The following ERCC1 variants were observed in gnomAD, a reference collection of about 807,000 sequenced individuals.
ERCC1 encodes the protein DNA excision repair protein ERCC-1.
In ERCC1, 36 loss-of-function variants were observed where a neutral mutation model predicts 37.6. The ratio of observed to expected loss-of-function variants is 0.96; its 90% CI spans 0.73 to 1.26. The LOEUF (loss-of-function observed/expected upper bound fraction) is 1.26. Among genes scored for constraint, ERCC1 ranks in the 50% most tolerant of loss-of-function variants. The probability of loss-of-function intolerance (pLI) is 0.00; values close to 1 mark genes in which losing one functional copy is unlikely to be tolerated. For synonymous variants in ERCC1, 156 were observed against 162.1 expected (o/e 0.96, Z 0.28); for missense variants, 349 against 376.5 (o/e 0.93, Z 0.60).
intron 1 of ERCC1, among the ~76,000 whole-genome samples, chr19:45,441,996 TA>T (rs755246108): frequency 1.4e-5 from 2 of 147,430 alleles, no homozygotes; most frequent in Non-Finnish European, 2.9e-5. Context: ...TTTTTTATTT[TA>T]TTTTTTTTAA....
At position 45,420,317 on chromosome 19, in the gene ERCC1, A is replaced by T. The variant is rs1397893338; in HGVS notation, c.425+7T>A. On this transcript the variant is annotated splice_region_variant and intron_variant, in intron 4 of 9. Transcript: ENST00000300853. This position sits in a 1 kb window ranked among gnomAD's most constrained non-coding sequence, Gnocchi z 4.8. ...CCTGAAGTCTGGGGTGGCGCCGCAG[A>T]GCTCACCTGAGGAACAGGGCACAGG... The T allele has an allele frequency of 6.2e-7, 1 of 1,601,798 alleles. No homozygotes were observed. The highest frequency in any genetic ancestry group is 1.3e-5 in the African/African-American group (1 of 74,588).
chr19:45,418,991 C>T (rs1312130137), intron 5 of ERCC1, 107 bp downstream of exon 5: 12 of 800,340 alleles, frequency 1.5e-5, no homozygotes, highest in Non-Finnish European at 2.6e-5. Context: ...ATGTGAAAAA[C>T]GTTCCTCGCT....
chr19:45,423,419 C>A, intron 1 of ERCC1, 38 bp from the exon 2 acceptor site: 2 of 1,574,418 alleles, frequency 1.3e-6, no homozygotes, highest in Non-Finnish European at 1.7e-6. Flanking sequence ...GAGCCACTGG[C>A]GTCTACGTTC....
At chr19:45,425,395 T>A (rs914987089), upstream of ERCC1, among the ~76,000 whole-genome samples, 1 of 152,068 alleles carries the variant, frequency 6.6e-6, no homozygotes, top group East Asian at 1.9e-4. Context: ...TTTATTTATT[T>A]ATTATTTTTT....
intron 1 of ERCC1, among the ~76,000 whole-genome samples, chr19:45,448,928 C>T (rs1338880304): frequency 6.6e-6 from 1 of 152,142 alleles, no homozygotes; most frequent in Non-Finnish European, 1.5e-5. Flanking sequence ...CAGGTCTCCT[C>T]CCCAGGCTTG....
chr19:45,450,960 C>T (rs1967103036), intron 1 of ERCC1, among the ~76,000 whole-genome samples: 1 of 146,016 alleles, frequency 6.8e-6, no homozygotes. Context: ...CGCCTAGCAA[C>T]GCGAGGGCTG....
At chr19:45,433,961 C>G (rs936577189) in intron 1 of ERCC1, among the ~76,000 whole-genome samples, 1 of 151,252 alleles carries the variant, frequency 6.6e-6, no homozygotes, top group South Asian at 2.1e-4. Context: ...GGTGAAACCC[C>G]GTCTCTACTA....
chr19:45,430,928 T>C (rs918861079), intron 1 of ERCC1, among the ~76,000 whole-genome samples: 3 of 151,660 alleles, frequency 2.0e-5, no homozygotes, highest in South Asian at 2.1e-4. Flanking sequence ...ACCATAATAA[T>C]ATTGACATAA....
At chr19:45,419,451 G>A (rs927677159) in intron 4 of ERCC1, 1 of 484,936 alleles carries the variant, frequency 2.1e-6, no homozygotes, top group Non-Finnish European at 3.8e-6. Flanking sequence ...AAGAGGGGAA[G>A]AGACTTGGGC....
At chr19:45,448,365 G>C (rs908942929) in intron 1 of ERCC1, among the ~76,000 whole-genome samples, 1 of 152,170 alleles carries the variant, frequency 6.6e-6, no homozygotes, top group South Asian at 2.1e-4. Context: ...GCTGCGAGGG[G>C]CTTGGTGCTA....
At chr19:45,421,564 G>A (rs1974431992) in intron 2 of ERCC1, among the ~76,000 whole-genome samples, 171 bp from the exon 3 acceptor site, 1 of 151,928 alleles carries the variant, frequency 6.6e-6, no homozygotes, top group Non-Finnish European at 1.5e-5. Flanking sequence ...CCACCTCCCG[G>A]GTTCAAGCAA....
In ERCC1 at chr19:45,409,249, GA is replaced by G. The variant is rs869162302; in HGVS notation, c.*425del. ...CATCCACCAAGAAGAAGAAGAAGAA[GA>G]AAGAGAGAGGTCACACAGTGACTGA... On this transcript the variant is annotated 3_prime_UTR_variant, in exon 10 of 10. Transcript: ENST00000300853. The G allele has an allele frequency of 1.0e-5, 16 of 1,595,074 alleles. No homozygotes were observed. Among genetic ancestry groups the G allele is most frequent in the Admixed American group, 1.7e-5 (1 of 59,392 alleles).
At chr19:45,413,339 T>G in intron 9 of ERCC1, 1 of 573,472 alleles carries the variant, frequency 1.7e-6, no homozygotes, top group Non-Finnish European at 3.1e-6. Flanking sequence ...TGCTTATAGC[T>G]CACTGCAGCC....
chr19:45,443,370 C>T (rs1200892326), intron 1 of ERCC1, among the ~76,000 whole-genome samples: 1 of 152,184 alleles, frequency 6.6e-6, no homozygotes, highest in Non-Finnish European at 1.5e-5. Context: ...GGGTCAGCAC[C>T]GTCTGGGACT....
In ERCC1 at chr19:45,420,565, AC is replaced by A; in HGVS notation, c.322-139del. The A allele has an allele frequency of 1.5e-6, 1 of 683,628 alleles. No homozygotes were observed. Among genetic ancestry groups the A allele is most frequent in the South Asian group, 1.5e-5 (1 of 64,864 alleles). The allele number at this position is 683,628 out of a possible 1,614,324, so 42.3% of individuals were successfully genotyped here. ...CCTGCCTCCTCGCACCTCTTCCCAC[AC>A]CTCCTCCCTCCTCCCACCTGTGGCA... On this transcript the variant is annotated intron_variant, in intron 3 of 9. Transcript: ENST00000300853. The surrounding 1 kb of genome is among the most constrained non-coding windows in gnomAD (Gnocchi z 4.8).
intron 1 of ERCC1, among the ~76,000 whole-genome samples, chr19:45,432,731 G>T (rs1030197871): frequency 6.6e-6 from 1 of 152,046 alleles, no homozygotes; most frequent in Non-Finnish European, 1.5e-5. Flanking sequence ...TTGTAGAGAC[G>T]GGGTCTTGCT....
chr19:45,413,306 A>C, intron 9 of ERCC1: 1 of 510,352 alleles, frequency 2.0e-6, no homozygotes, highest in Non-Finnish European at 3.5e-6. Flanking sequence ...TCGCTCTGTC[A>C]CCCAGGCTGG....
At position 45,421,245 on chromosome 19, in the gene ERCC1, C is replaced by A. The variant is rs370774083; in HGVS notation, c.254G>T (p.Gly85Val). 3 of 1,614,226 alleles carry A rather than the reference C, an allele frequency of 1.9e-6. No homozygotes were observed. Among genetic ancestry groups the A allele is most frequent in the Non-Finnish European group, 2.5e-6 (3 of 1,180,042 alleles). Residue 85 changes from glycine (G) to valine (V), a missense_variant, in exon 3 of 10, where the codon GGA (glycine) becomes GTA (valine). Transcript: ENST00000300853. ...TCPTGSEPLA[G>V]ETPNQALKPG... ...TTTCAGGGCCTGGTTGGGCGTCTCTCCTGCCAGGGGCTCTGACCCTGTGGG... is the reference window on the plus strand; with the variant it reads ...TTTCAGGGCCTGGTTGGGCGTCTCTACTGCCAGGGGCTCTGACCCTGTGGG...
At chr19:45,432,864 C>T (rs1212916284) in intron 1 of ERCC1, among the ~76,000 whole-genome samples, 5 of 151,308 alleles carry the variant, frequency 3.3e-5, no homozygotes, top group African/African-American at 7.3e-5. Flanking sequence ...GTTGGGAGTT[C>T]GAGACCAGCC....
Sources: gnomAD v4.1 joint callset for allele counts (sites outside exome capture counted in the v4.1 genomes callset) on GRCh38, gnomAD v4.1.1 for gene constraint, Gnocchi (gnomAD v3.1) non-coding constraint, MANE v1.5 for transcripts, NCBI Gene and HGNC (gene_info 2026-07-23, HGNC 2026-07-21) for gene names.